IDO2: variants seen among roughly 807,000 people sequenced by gnomAD.
IDO2 encodes indoleamine 2,3-dioxygenase-like 1 protein.
In IDO2, 46 loss-of-function variants were observed where a neutral mutation model predicts 45.1. The observed-to-expected ratio is 1.02, with a 90% CI of 0.80 to 1.30. The LOEUF is 1.30. IDO2 is among the 50% of genes most tolerant of loss of function. The pLI is 0.00. For missense variants in IDO2, 544 were observed against 491.8 expected, an observed-to-expected ratio of 1.11 and a Z score of -1.00; for synonymous variants, 218 against 184.9, an observed-to-expected ratio of 1.18 and a Z score of -1.45.
chr8:40,015,896 A>T, exon 11 of IDO2: 1 of 363,620 alleles, frequency 2.8e-6, no homozygotes, highest in Non-Finnish European at 4.9e-6. Flanking sequence ...TTGCCAAGTA[A>T]TAGAAAACCA....
At chr8:39,949,321 G>A in intron 2 of IDO2, 57 bp downstream of exon 2, 2 of 1,380,158 alleles carry the variant, frequency 1.4e-6, no homozygotes, top group East Asian at 2.5e-5. Flanking sequence ...GATGTTGGTT[G>A]GTTTGTTTTT....
chr8:39,962,571 C>T (rs1185688629), intron 2 of IDO2, among the ~76,000 whole-genome samples: 2 of 152,148 alleles, frequency 1.3e-5, no homozygotes, highest in African/African-American at 4.8e-5. Flanking sequence ...GTCTCATGAC[C>T]AGGAAGAATT....
At chr8:39,964,591 C>A (rs538294982) in intron 3 of IDO2, among the ~76,000 whole-genome samples, 2 of 152,198 alleles carry the variant, frequency 1.3e-5, no homozygotes, top group Non-Finnish European at 2.9e-5. Flanking sequence ...ATTACAAATT[C>A]TTTTTAAAAT....
intron 6 of IDO2, chr8:39,986,472 C>G (rs1808424036): frequency 6.6e-6 from 1 of 151,926 alleles, no homozygotes; most frequent in Admixed American, 6.6e-5. Flanking sequence ...TAAGTCTTGA[C>G]TTTGTCTTGG....
chr8:39,982,278 A>T (rs902925145), intron 4 of IDO2, among the ~76,000 whole-genome samples: 1 of 150,966 alleles, frequency 6.6e-6, no homozygotes, highest in Non-Finnish European at 1.5e-5. Flanking sequence ...CTATCCTTCC[A>T]TCTACTTACC....
At chr8:40,008,522 T>C (rs1033773316) in intron 9 of IDO2, among the ~76,000 whole-genome samples, 3 of 152,226 alleles carry the variant, frequency 2.0e-5, no homozygotes, top group Admixed American at 6.5e-5. Context: ...TAATTACACC[T>C]GCAAAGTCCC....
At chr8:39,974,171 T>C (rs1808224614) in intron 3 of IDO2, among the ~76,000 whole-genome samples, 1 of 152,196 alleles carries the variant, frequency 6.6e-6, no homozygotes, top group Non-Finnish European at 1.5e-5. Flanking sequence ...ATAGAAATTC[T>C]GACCAGATGG....
chr8:40,008,371 G>A (rs1037121735), intron 9 of IDO2, among the ~76,000 whole-genome samples: 3 of 152,004 alleles, frequency 2.0e-5, no homozygotes, highest in African/African-American at 7.2e-5. Context: ...AATCCTTCTA[G>A]CACTTTGATT....
chr8:40,011,359 T>C (rs1384394735), intron 9 of IDO2, among the ~76,000 whole-genome samples: 1 of 152,218 alleles, frequency 6.6e-6, no homozygotes, highest in Non-Finnish European at 1.5e-5. Flanking sequence ...CCCAAATGAC[T>C]ACATAAGACC....
At chr8:40,009,060 G>T (rs1042873875) in intron 9 of IDO2, among the ~76,000 whole-genome samples, 2 of 151,908 alleles carry the variant, frequency 1.3e-5, no homozygotes, top group East Asian at 1.9e-4. Flanking sequence ...TGTCGCCCAG[G>T]CTGGAGCGCA....
intron 2 of IDO2, among the ~76,000 whole-genome samples, chr8:39,959,479 A>AATGC: frequency 4.5e-4 from 5 of 11,210 alleles, no homozygotes; most frequent in African/African-American, 6.7e-4. Flanking sequence ...AATATAACTC[A>AATGC]TTATGTGTCT....
At chr8:39,990,575 T>A (rs771580253) in intron 8 of IDO2, among the ~76,000 whole-genome samples, 3 of 152,244 alleles carry the variant, frequency 2.0e-5, no homozygotes, top group Non-Finnish European at 4.4e-5. Flanking sequence ...CTTTCCAACA[T>A]TGGCCTTGTG....
intron 1 of IDO2, among the ~76,000 whole-genome samples, chr8:39,944,684 G>C (rs1192461471): frequency 3.3e-5 from 5 of 152,134 alleles, no homozygotes; most frequent in Admixed American, 3.3e-4. Flanking sequence ...ACCTGGAACT[G>C]TTTACTTTCC....
intron 1 of IDO2, among the ~76,000 whole-genome samples, chr8:39,944,477 A>T (rs1299059271): frequency 6.6e-6 from 1 of 151,938 alleles, no homozygotes; most frequent in African/African-American, 2.4e-5. Context: ...AGCCAGACAG[A>T]CTCCATCTTG....
intron 2 of IDO2, among the ~76,000 whole-genome samples, chr8:39,962,668 A>G (rs1808017558): frequency 6.6e-6 from 1 of 152,162 alleles, no homozygotes; most frequent in Non-Finnish European, 1.5e-5. Context: ...TTTCACCAGC[A>G]GTCTCCCACC....
chr8:40,009,053 C>T (rs183312940), intron 9 of IDO2, among the ~76,000 whole-genome samples: 269 of 151,966 alleles, frequency 1.8e-3, no homozygotes, highest in African/African-American at 6.0e-3. Flanking sequence ...CTCGCTTTGT[C>T]GCCCAGGCTG....
At chr8:39,993,282 A>G (rs1801974927) in intron 8 of IDO2, among the ~76,000 whole-genome samples, 1 of 151,932 alleles carries the variant, frequency 6.6e-6, no homozygotes, top group Admixed American at 6.6e-5. Flanking sequence ...TTCTCTAGGA[A>G]GTAATGTTCT....
At chr8:40,001,486 G>C (rs566821225) in intron 8 of IDO2, among the ~76,000 whole-genome samples, 18 of 151,896 alleles carry the variant, frequency 1.2e-4, no homozygotes, top group Non-Finnish European at 1.5e-4. Context: ...CTGACTTTGT[G>C]ATCTGCCCAC....
At chr8:39,994,037 A>G (rs1257389441) in intron 8 of IDO2, among the ~76,000 whole-genome samples, 2 of 152,310 alleles carry the variant, frequency 1.3e-5, no homozygotes, top group East Asian at 3.9e-4. Context: ...AGATGTTCAC[A>G]ATATATTGTT....
Sources: gnomAD v4.1 joint callset for allele counts (sites outside exome capture counted in the v4.1 genomes callset) on GRCh38, gnomAD v4.1.1 for gene constraint, MANE v1.5 for transcripts, NCBI Gene and HGNC (gene_info 2026-07-23, HGNC 2026-07-21) for gene names.